The following USP18 variants were observed in gnomAD, a reference collection of about 807,000 sequenced individuals.
The protein encoded by USP18 is ubiquitin specific peptidase 18, also known as ubl carboxyl-terminal hydrolase 18.
Under a neutral mutation model 48.7 loss-of-function variants are expected in USP18, and 11 were observed. The observed-to-expected ratio is 0.23, with a 90% CI of 0.14 to 0.37. The LOEUF is 0.37. Among genes scored for constraint, USP18 ranks in the 10% least tolerant of loss-of-function variants. The probability of loss-of-function intolerance (pLI) is 1.00; values close to 1 mark genes in which losing one functional copy is unlikely to be tolerated. For synonymous variants in USP18, 114 were observed against 163.2 expected, an observed-to-expected ratio of 0.70 and a Z score of 2.30; for missense variants, 285 against 436.4, an observed-to-expected ratio of 0.65 and a Z score of 3.09.
At chr22:18,167,209 A>G (rs752807615) in intron 4 of USP18, 46 bp from the exon 5 acceptor site, 1 of 1,609,024 alleles carries the variant, frequency 6.2e-7, no homozygotes, top group East Asian at 2.2e-5. Context: ...ATGAGAAGCG[A>G]CTCTGAAGAC....
intron 8 of USP18, among the ~76,000 whole-genome samples, chr22:18,171,185 T>G (rs1929617187): frequency 1.6e-5 from 1 of 62,374 alleles, no homozygotes; most frequent in Non-Finnish European, 2.8e-5. Flanking sequence ...TCATTGTGGG[T>G]TCATAGTACC....
intron 1 of USP18, among the ~76,000 whole-genome samples, chr22:18,156,860 A>C (rs995210721): frequency 2.6e-5 from 4 of 152,150 alleles, no homozygotes; most frequent in East Asian, 1.9e-4. Flanking sequence ...AGCACCCACC[A>C]ATTCCGGACA....
intron 1 of USP18, among the ~76,000 whole-genome samples, chr22:18,156,960 A>C (rs5746522): frequency 1.3e-5 from 2 of 151,958 alleles, no homozygotes; most frequent in African/African-American, 2.4e-5. Context: ...GGGTTGGGGG[A>C]GGGTACACGG....
At chr22:18,153,428 T>TAAAAAAAAAAAAA (rs1929049555) in intron 1 of USP18, among the ~76,000 whole-genome samples, 2 of 87,640 alleles carry the variant, frequency 2.3e-5, no homozygotes, top group East Asian at 1.5e-3. Context: ...AAATTCCATC[T>TAAAAAAAAAAAAA]CAAAAAAAAA....
At chr22:18,166,994 C>T (rs1336274133) in intron 4 of USP18, among the ~76,000 whole-genome samples, 2 of 151,988 alleles carry the variant, frequency 1.3e-5, no homozygotes, top group African/African-American at 4.8e-5. Flanking sequence ...CCACCTTGGC[C>T]TCCCGAAGTG....
chr22:18,175,155 C>T (rs1270364778), intron 10 of USP18, among the ~76,000 whole-genome samples: 8 of 152,214 alleles, frequency 5.3e-5, no homozygotes, highest in Non-Finnish European at 1.2e-4. Flanking sequence ...CCTCGTGATC[C>T]GCCCACCTCG....
chr22:18,158,935 TG>T (rs1351420484), intron 2 of USP18, among the ~76,000 whole-genome samples: 1 of 148,944 alleles, frequency 6.7e-6, no homozygotes, highest in East Asian at 1.9e-4. Context: ...CTTTCTCTAA[TG>T]TTTTTTTTTC....
At chr22:18,169,002 G>A (rs1244901568) in intron 6 of USP18, among the ~76,000 whole-genome samples, 2 of 151,882 alleles carry the variant, frequency 1.3e-5, no homozygotes, top group African/African-American at 2.4e-5. Context: ...ATCCTGCCAA[G>A]TGGACCACAC....
At chr22:18,161,204 C>T (rs11704710) in intron 3 of USP18, among the ~76,000 whole-genome samples, 25,591 of 149,202 alleles carry the variant, frequency 0.17, 2,290 homozygotes, top group Non-Finnish European at 0.2. Flanking sequence ...GGGGAGTACA[C>T]ACCCCTCCTT....
At chr22:18,164,872 C>T (rs1002468593) in intron 4 of USP18, among the ~76,000 whole-genome samples, 12 of 152,004 alleles carry the variant, frequency 7.9e-5, no homozygotes, top group Non-Finnish European at 1.6e-4. Flanking sequence ...TCCAAACCCT[C>T]CCCTCTCCAG....
chr22:18,159,389 A>T (rs1929256734), intron 2 of USP18, among the ~76,000 whole-genome samples: 1 of 151,860 alleles, frequency 6.6e-6, no homozygotes, highest in African/African-American at 2.4e-5. Context: ...TTCATGTTTG[A>T]TATCTTCTCT....
At chr22:18,157,960 A>G in intron 2 of USP18, 140 bp downstream of exon 2, 1 of 1,251,700 alleles carries the variant, frequency 8.0e-7, no homozygotes, top group Non-Finnish European at 1.1e-6. Context: ...TTAGATGGGG[A>G]TACAGCCTGG....
intron 4 of USP18, among the ~76,000 whole-genome samples, chr22:18,162,348 C>T (rs545397606): frequency 2.1e-4 from 31 of 147,798 alleles, no homozygotes; most frequent in African/African-American, 6.8e-4. Context: ...TAAAATTCAT[C>T]CATTTAAAAA....
At chr22:18,175,598 A>G (rs1475195566) in intron 10 of USP18, among the ~76,000 whole-genome samples, 3 of 149,618 alleles carry the variant, frequency 2.0e-5, no homozygotes, top group Non-Finnish European at 4.4e-5. Flanking sequence ...GCAACCACTT[A>G]ACTCTGCCCT....
rs1189607922 is a variant in USP18 at position 18,174,224 on chromosome 22, TTTTCTTTTC to T, written c.1073+386_1073+394del. ...GGGCTTCTTGTATGGTTTTCTTTTC[TTTTCTTTTC>T]TTTTTTTTTTTTTGACGGAGTCTCG... On this transcript the variant is annotated intron_variant, in intron 10 of 10. Coordinates refer to ENST00000215794, the MANE Select transcript of USP18 (RefSeq NM_017414.4). 5.3e-3 allele frequency among the ~76,000 whole-genome samples: 805 copies of T among 151,092 alleles called. 7 individuals carry two copies. Among genetic ancestry groups the T allele is most frequent in the African/African-American group, 0.019 (763 of 40,940 alleles).
At position 18,170,778 on chromosome 22, in the gene USP18, A is replaced by T; in HGVS notation, c.749A>T (p.Gln250Leu). 3 of 1,607,086 alleles carry T rather than the reference A, an allele frequency of 1.9e-6. No homozygotes were observed. The highest frequency in any genetic ancestry group is 2.5e-6 in the Non-Finnish European group (3 of 1,178,504). ...KQVLKLTHLP[Q>L]TLTIHLMRFS... ...GTCTTGAAGCTGACCCATTTGCCCC[A>T]GACCCTGACAATCCACCTCATGCGA... The change falls in exon 8 of 11, where the codon CAG becomes CTG. Residue 250 changes from glutamine (Q) to leucine (L), a missense_variant. Around this residue, in one of 5 missense-constraint regions of USP18, gnomAD observed 34 missense variants for 94.8 expected, o/e 0.36. Coordinates refer to ENST00000215794, the MANE Select transcript of USP18 (RefSeq NM_017414.4).
chr22:18,175,847 T>C (rs557971556), intron 10 of USP18, among the ~76,000 whole-genome samples: 1 of 150,306 alleles, frequency 6.7e-6, no homozygotes, highest in East Asian at 1.9e-4. Flanking sequence ...GGCATGGTGG[T>C]ACACATCCAT....
Position 18,173,233 on chromosome 22 carries a change from T to C in USP18, c.975T>C (p.Asn325=), listed in dbSNP as rs1487384400. Residue 325 remains asparagine, a synonymous_variant, in exon 9 of 11, where the codon AAT becomes AAC. Transcript: ENST00000215794. The part of the protein sequence containing the change: ...DSGHYCVYIR[N]AVDGKWFCFN... ...GTCATTACTGTGTCTACATCCGGAA[T>C]GCTGTGGATGGAAAATGGTTCTGCT... The C allele has an allele frequency of 6.2e-7, 1 of 1,606,994 alleles. No individual in the cohort carries two copies.
chr22:18,175,586 T>C (rs1929762695), intron 10 of USP18, among the ~76,000 whole-genome samples: 1 of 149,712 alleles, frequency 6.7e-6, no homozygotes, highest in Non-Finnish European at 1.5e-5. Context: ...GCGGTGTCTG[T>C]TGCAACCACT....
Sources: allele counts gnomAD v4.1 joint callset (sites outside exome capture counted in the v4.1 genomes callset), GRCh38; gene constraint gnomAD v4.1.1; regional missense constraint gnomAD v4.1.1; transcripts MANE v1.5; gene names NCBI Gene and HGNC (gene_info 2026-07-23, HGNC 2026-07-21).